Variants in CD163L1 observed in about 807,000 individuals in gnomAD.
The protein encoded by CD163L1 is CD163 molecule like 1, also known as scavenger receptor cysteine-rich type 1 protein M160.
CD163L1 carries 124 observed loss-of-function variants against 165.4 expected under a neutral mutation model. That is an observed-to-expected ratio of 0.75 (90% CI 0.65 to 0.87). The LOEUF (loss-of-function observed/expected upper bound fraction) is 0.87. CD163L1 is among the 40% of genes least tolerant of loss of function. CD163L1 has a pLI of 0.00. For synonymous variants in CD163L1, 585 were observed against 662.2 expected, an observed-to-expected ratio of 0.88 and a Z score of 1.79; for missense variants, 1,525 against 1,799.9, an observed-to-expected ratio of 0.85 and a Z score of 2.76.
downstream of CD163L1, among the ~76,000 whole-genome samples, chr12:7,342,091 A>G (rs1591857032): frequency 6.6e-6 from 1 of 152,308 alleles, no homozygotes; most frequent in Middle Eastern, 3.4e-3. Context: ...TCACCCAGAC[A>G]TTCTAAAATG....
At chr12:7,355,818 T>G (rs965980893) in intron 19 of CD163L1, among the ~76,000 whole-genome samples, 3 of 152,096 alleles carry the variant, frequency 2.0e-5, no homozygotes, top group Non-Finnish European at 4.4e-5. Context: ...AACAAGAAGA[T>G]GACTGCCTGC....
At chr12:7,346,607 G>A (rs1946671953), downstream of CD163L1, 2 of 152,086 alleles carry the variant, frequency 1.3e-5, no homozygotes, top group South Asian at 4.1e-4. Context: ...ATTCTTTCCA[G>A]TGTTAAACAA....
intron 18 of CD163L1, among the ~76,000 whole-genome samples, chr12:7,365,599 TGAAA>T (rs1387777882): frequency 6.6e-6 from 1 of 151,860 alleles, no homozygotes; most frequent in East Asian, 1.9e-4. Flanking sequence ...AAAAAATGGG[TGAAA>T]GAACTGAATA....
At chr12:7,402,740 A>G (rs1384312604) in intron 6 of CD163L1, among the ~76,000 whole-genome samples, 2 of 151,764 alleles carry the variant, frequency 1.3e-5, no homozygotes, top group African/African-American at 4.8e-5. Context: ...GGATCAAGCA[A>G]TCCTCCCGCC....
At chr12:7,353,485 A>C (rs1034975225), downstream of CD163L1, among the ~76,000 whole-genome samples, 2 of 152,136 alleles carry the variant, frequency 1.3e-5, no homozygotes, top group Non-Finnish European at 2.9e-5. Context: ...CAAGCTGTTG[A>C]AAGACAGGGA....
At chr12:7,352,580 A>G (rs1946714856), downstream of CD163L1, among the ~76,000 whole-genome samples, 1 of 152,168 alleles carries the variant, frequency 6.6e-6, no homozygotes, top group Admixed American at 6.6e-5. Context: ...ACAGAGATCT[A>G]TTGGCAGAGG....
rs1947099811 is a variant in CD163L1, at chr12:7,369,488, T to C, written c.3908A>G (p.Gln1303Arg). The C allele has an allele frequency of 5.6e-6, 9 of 1,614,058 alleles. No individual in the cohort carries two copies. The highest frequency in any genetic ancestry group is 3.3e-5 in the South Asian group (3 of 91,094). ...LAALRDASFGQGTGTIWLDDM... is the reference protein window; with the variant it reads ...LAALRDASFGRGTGTIWLDDM... ...ATCCAACCAGATGGTTCCAGTTCCCTGGCCAAACGAAGCGTCCCTCAGGGC... is the reference window on the plus strand; with the variant it reads ...ATCCAACCAGATGGTTCCAGTTCCCCGGCCAAACGAAGCGTCCCTCAGGGC... Residue 1303 changes from glutamine to arginine, a missense_variant, in exon 15 of 20, where the codon CAG becomes CGG. Physicochemically the swap from Gln to Arg is conservative, Grantham distance 43 (BLOSUM62 1). Transcript: ENST00000313599. The surrounding 1 kb of genome is among the most constrained non-coding windows in gnomAD (Gnocchi z 4.9).
intron 18 of CD163L1, among the ~76,000 whole-genome samples, chr12:7,359,687 GA>G (rs1946852449): frequency 6.6e-6 from 1 of 152,008 alleles, no homozygotes; most frequent in African/African-American, 2.4e-5. Context: ...CATTAGAGAA[GA>G]AATAAATACA....
intron 2 of CD163L1, among the ~76,000 whole-genome samples, chr12:7,437,670 CTTTTTTTTT>C (rs199974619): frequency 2.3e-5 from 3 of 132,838 alleles, no homozygotes; most frequent in Non-Finnish European, 4.9e-5. Context: ...TGAACTCATC[CTTTTTTTTT>C]TTTTTTTTGA....
chr12:7,324,897 G>A, the CD163L1 span, among the ~76,000 whole-genome samples: 1 of 151,460 alleles, frequency 6.6e-6, no homozygotes, highest in African/African-American at 2.4e-5. Context: ...CACATCCAAA[G>A]GTTCATGTGA....
At chr12:7,358,126 T>C (rs1946816591) in intron 18 of CD163L1, among the ~76,000 whole-genome samples, 1 of 151,958 alleles carries the variant, frequency 6.6e-6, no homozygotes, top group South Asian at 2.1e-4. Flanking sequence ...ACCACCAAAA[T>C]TGGAGAGACA....
rs574381286 is a variant in CD163L1 at position 7,413,374 on chromosome 12, C to T, written c.767-6522G>A. 3.4e-4 allele frequency among the ~76,000 whole-genome samples: 52 copies of T among 152,136 alleles called. No homozygotes were observed. The South Asian group carries it at 5.0e-3, about 15-fold the overall frequency. On this transcript the variant is annotated intron_variant, in intron 4 of 19. Coordinates refer to ENST00000313599, the MANE Select transcript of CD163L1 (RefSeq NM_174941.6). ...TAGAACACTGAAAAGATTAGCACAGCGGAATAATCTGGGGACCATCAGGAG... is the reference window on the plus strand; with the variant it reads ...TAGAACACTGAAAAGATTAGCACAGTGGAATAATCTGGGGACCATCAGGAG...
Position 7,372,418 on chromosome 12 carries a change from G to A in CD163L1, c.3730+902C>T, listed in dbSNP as rs1415446831. Among the ~76,000 whole-genome samples the A allele has an allele frequency of 6.6e-6, 1 of 151,932 alleles. No individual in the cohort carries two copies. The highest frequency in any genetic ancestry group is 1.5e-5 in the Non-Finnish European group (1 of 67,942). ...TCAGAGATTCACCGAAAATGAATAA[G>A]GATGCTTATAATGGCATTATTTATA... On this transcript the variant is annotated intron_variant, in intron 14 of 19. Coordinates refer to ENST00000313599, the MANE Select transcript of CD163L1 (RefSeq NM_174941.6). The surrounding 1 kb of genome is among the most constrained non-coding windows in gnomAD (Gnocchi z 4.2).
intron 7 of CD163L1, among the ~76,000 whole-genome samples, chr12:7,397,511 A>C (rs1026678922): frequency 8.5e-5 from 13 of 152,154 alleles, no homozygotes; most frequent in Non-Finnish European, 1.8e-4. Context: ...ATAGGGGAAG[A>C]CCTGATGAGG....
Position 7,374,823 on chromosome 12 carries a change from C to G in CD163L1, c.3094+8G>C. ...GTTGCAGTGTTTCCTAAAACTGATT[C>G]TGCTTACCTAAGCAGATCAAAGCAC... On this transcript the variant is annotated splice_region_variant and intron_variant, in intron 12 of 19. Coordinates refer to ENST00000313599, the MANE Select transcript of CD163L1 (RefSeq NM_174941.6). This position sits in a 1 kb window ranked among gnomAD's most constrained non-coding sequence, Gnocchi z 5.4. 1 of 1,614,174 alleles carries G rather than the reference C, an allele frequency of 6.2e-7. No individual in the cohort carries two copies. Among genetic ancestry groups the G allele is most frequent in the South Asian group, 1.1e-5 (1 of 91,088 alleles).
intron 2 of CD163L1, among the ~76,000 whole-genome samples, chr12:7,434,108 T>C (rs1948680750): frequency 1.3e-5 from 2 of 152,198 alleles, no homozygotes; most frequent in African/African-American, 4.8e-5. Flanking sequence ...TACTTAATAA[T>C]TGAAAACATC....
At chr12:7,324,492 T>C in the CD163L1 span, 1 of 1,613,966 alleles carries the variant, frequency 6.2e-7, no homozygotes, top group African/African-American at 1.3e-5. Flanking sequence ...CTTCTTTTCC[T>C]CTTCAGGTAC....
chr12:7,323,236 A>T, the CD163L1 span: 1 of 1,607,010 alleles, frequency 6.2e-7, no homozygotes, highest in Non-Finnish European at 8.5e-7. Flanking sequence ...CTCAATAGGG[A>T]ATGATTTGTG....
rs753121333 is a variant in CD163L1 at position 7,406,729 on chromosome 12, T to C, written c.890A>G (p.Asp297Gly). Residue 297 changes from aspartate (D) to glycine (G), a missense_variant, in exon 5 of 20, where the codon GAT (aspartate) becomes GGT (glycine). Transcript: ENST00000313599. ...CHHKWNNAAA[D>G]VVCKQLGCGT... ...ACATCCCAACTGCTTGCATACGACA[T>C]CAGCTGCAGCATTGTTCCACTTATG... is the stretch of plus-strand genomic sequence containing the variant. 2 of 1,614,038 alleles carry C rather than the reference T, an allele frequency of 1.2e-6. No individual in the cohort carries two copies. The highest frequency in any genetic ancestry group is 1.7e-6 in the Non-Finnish European group (2 of 1,179,986).
Sources: allele counts gnomAD v4.1 joint callset (sites outside exome capture counted in the v4.1 genomes callset), GRCh38; gene constraint gnomAD v4.1.1; non-coding constraint Gnocchi (gnomAD v3.1); transcripts MANE v1.5; gene names NCBI Gene and HGNC (gene_info 2026-07-23, HGNC 2026-07-21).